ZNF778: variants seen among roughly 807,000 people sequenced by gnomAD.
The protein encoded by ZNF778 is zinc finger protein 778.
ZNF778 carries 37 observed loss-of-function variants against 23.9 expected under a neutral mutation model. The ratio of observed to expected loss-of-function variants is 1.54; its 90% CI spans 1.19 to 2.03. ZNF778 has a LOEUF of 2.03. Ranked by LOEUF, ZNF778 falls within the 30% of genes most tolerant of loss-of-function variation. ZNF778 has a pLI of 0.00. For synonymous variants in ZNF778, 483 were observed against 343.9 expected (o/e 1.40, Z -4.48); for missense variants, 1,297 against 934.4 (o/e 1.39, Z -5.06).
intron 6 of ZNF778, 54 bp downstream of exon 6, chr16:89,225,685 A>G (rs2031417165): frequency 1.3e-6 from 2 of 1,494,658 alleles, no homozygotes; most frequent in South Asian, 1.2e-5. Context: ...AAGATTGGGA[A>G]TTCCACTATA....
At position 89,232,613 on chromosome 16, in the gene ZNF778, A is replaced by G; in HGVS notation, c.*4051A>G. On this transcript the variant is annotated 3_prime_UTR_variant, in exon 7 of 7. Coordinates refer to ENST00000433976, the MANE Select transcript of ZNF778 (RefSeq NM_001201407.2). ...CTGAGGGTTCCTCAGAGTAAGATAA[A>G]ATATTAAAGGACCAATTGTATTAAT... The G allele has an allele frequency of 1.7e-6, 2 of 1,193,464 alleles. No individual in the cohort carries two copies. Among genetic ancestry groups the G allele is most frequent in the Non-Finnish European group, 2.1e-6 (2 of 945,114 alleles). 73.9% of individuals were successfully genotyped at this position (1,193,464 alleles called of 1,614,324 possible). A position where few individuals can be genotyped will look rare whatever the true frequency, so the allele number is the denominator to read the frequency against.
At position 89,228,976 on chromosome 16, in the gene ZNF778, A is replaced by G; in HGVS notation, c.*414A>G. On this transcript the variant is annotated 3_prime_UTR_variant, in exon 7 of 7. Coordinates refer to ENST00000433976, the MANE Select transcript of ZNF778 (RefSeq NM_001201407.2). ...TTGACACTTGAAGTGTTGTGAATGT[A>G]TGGAAGATAGCAGTCGCTTCCCTGT... is the stretch of plus-strand genomic sequence containing the variant. 1.0e-6 allele frequency: 1 copy of G among 998,392 alleles called. No homozygotes were observed. Among genetic ancestry groups the G allele is most frequent in the South Asian group, 4.4e-5 (1 of 22,604 alleles). 61.8% of individuals were successfully genotyped at this position (998,392 alleles called of 1,614,324 possible).
At position 89,226,883 on chromosome 16, in the gene ZNF778, G is replaced by T. The variant is rs117690401; in HGVS notation, c.595G>T (p.Val199Leu). 0.01 allele frequency: 16,440 copies of T among 1,614,010 alleles called. 379 individuals are homozygous for T. Among genetic ancestry groups the T allele is most frequent in the South Asian group, 0.07 (6,391 of 91,082 alleles). The change falls in exon 7 of 7, where the codon GTG (valine) becomes TTG (leucine). Residue 199 changes from valine (V) to leucine (L), a missense_variant. Coordinates refer to ENST00000433976, the MANE Select transcript of ZNF778 (RefSeq NM_001201407.2). The part of the protein sequence containing the change: ...TLFKIGEQFS[V>L]LGQCGKAFSS... Reference sequence around the variant, plus strand: ...GTTCAAAATTGGAGAGCAGTTTTCCGTGTTGGGTCAGTGTGGAAAAGCCTT... The same window carrying T: ...GTTCAAAATTGGAGAGCAGTTTTCCTTGTTGGGTCAGTGTGGAAAAGCCTT...
In ZNF778 at chr16:89,227,583, T is replaced by G; in HGVS notation, c.1295T>G (p.Val432Gly). Reference protein sequence around the residue: ...TCSYCGKAFTVRCGLTRHVRT... With the variant: ...TCSYCGKAFTGRCGLTRHVRT... Reference sequence around the variant, plus strand: ...AGCTACTGTGGGAAGGCCTTCACTGTGCGCTGTGGCCTTACTAGACACGTA... The same window carrying G: ...AGCTACTGTGGGAAGGCCTTCACTGGGCGCTGTGGCCTTACTAGACACGTA... Residue 432 changes from valine to glycine, a missense_variant, in exon 7 of 7, where the codon GTG (valine) becomes GGG (glycine). Coordinates refer to ENST00000433976, the MANE Select transcript of ZNF778 (RefSeq NM_001201407.2). 2 of 1,614,160 alleles carry G rather than the reference T, an allele frequency of 1.2e-6. No individual in the cohort carries two copies. Among genetic ancestry groups the G allele is most frequent in the Non-Finnish European group, 1.7e-6 (2 of 1,180,014 alleles).
rs1344991192 is a variant in ZNF778, at chr16:89,221,119, C to T, written c.-9C>T. ...AGGAGCATTCAGACGCTTCCGTCAG[C>T]CTCCCAGGATGGCAGCCCCTGACCT... is the stretch of plus-strand genomic sequence containing the variant. On this transcript the variant is annotated 5_prime_UTR_variant, in exon 2 of 7. Coordinates refer to ENST00000433976, the MANE Select transcript of ZNF778 (RefSeq NM_001201407.2). 8.3e-6 allele frequency: 13 copies of T among 1,567,636 alleles called. No individual in the cohort carries two copies. The highest frequency in any genetic ancestry group is 2.4e-5 in the East Asian group (1 of 42,250).
At position 89,223,385 on chromosome 16, in the gene ZNF778, GT is replaced by G; in HGVS notation, c.244+103del. On this transcript the variant is annotated intron_variant, in intron 4 of 6. Transcript: ENST00000433976. ...ACGGCAAAGCCGAGTACCACGGGAAGTAAGAGATATAACAACTGTGCTAGTA... is the reference window on the plus strand; with the variant it reads ...ACGGCAAAGCCGAGTACCACGGGAAGAAGAGATATAACAACTGTGCTAGTA... The G allele has an allele frequency of 2.0e-6, 3 of 1,514,306 alleles. No homozygotes were observed. In the South Asian group the frequency reaches 3.5e-5, roughly 18 times the overall value. 93.8% of individuals were successfully genotyped at this position (1,514,306 alleles called of 1,614,324 possible).
rs1417642744 is a variant in ZNF778, at chr16:89,229,654, AG to A, written c.*1094del. The A allele has an allele frequency of 4.1e-6, 4 of 967,310 alleles. No individual in the cohort carries two copies. The highest frequency in any genetic ancestry group is 4.8e-6 in the Non-Finnish European group (4 of 825,498). 59.9% of individuals were successfully genotyped at this position (967,310 alleles called of 1,614,324 possible). A position where few individuals can be genotyped will look rare whatever the true frequency, so the allele number is the denominator to read the frequency against. On this transcript the variant is annotated 3_prime_UTR_variant, in exon 7 of 7. Coordinates refer to ENST00000433976, the MANE Select transcript of ZNF778 (RefSeq NM_001201407.2). ...CGTAGGCTCTGCTTGGTTAGTCTTGAGGATCCAGATGTGATCCTGCGTGAGC... is the reference window on the plus strand; with the variant it reads ...CGTAGGCTCTGCTTGGTTAGTCTTGAGATCCAGATGTGATCCTGCGTGAGC...
chr16:89,222,282 G>A (rs1469438969), intron 3 of ZNF778, 99 bp downstream of exon 3: 2 of 856,028 alleles, frequency 2.3e-6, no homozygotes, highest in Non-Finnish European at 3.4e-6. Context: ...CCTCACTCAA[G>A]GACCGAGTCC....
At chr16:89,220,719 A>G (rs2030849524) in intron 1 of ZNF778, among the ~76,000 whole-genome samples, 1 of 152,164 alleles carries the variant, frequency 6.6e-6, no homozygotes, top group African/African-American at 2.4e-5. Context: ...CTGGTTCACC[A>G]CTTCCTAAGT....
rs117378505 is a variant in ZNF778 at position 89,228,018 on chromosome 16, A to G, written c.1730A>G (p.Asn577Ser). The change falls in exon 7 of 7, where the codon AAT becomes AGT. Residue 577 changes from asparagine to serine, a missense_variant. Coordinates refer to ENST00000433976, the MANE Select transcript of ZNF778 (RefSeq NM_001201407.2). ...RKSFRNSSCLNKHIQIHTGIK... is the reference protein window; with the variant it reads ...RKSFRNSSCLSKHIQIHTGIK... ...TCCTTCAGAAATTCCTCGTGCCTGA[A>G]TAAGCACATTCAGATTCACACTGGA... 1.9e-6 allele frequency: 3 copies of G among 1,589,308 alleles called. No individual in the cohort carries two copies. Among genetic ancestry groups the G allele is most frequent in the Admixed American group, 3.5e-5 (2 of 57,900 alleles).
chr16:89,229,608 C>T lies in ZNF778; in HGVS notation c.*1046C>T. On this transcript the variant is annotated 3_prime_UTR_variant, in exon 7 of 7. Transcript: ENST00000433976. ...CTCTGGTTGGTTAGTCTTGAGGATCCAGATGTGATTCTGTGAGCAGCGTAG... is the reference window on the plus strand; with the variant it reads ...CTCTGGTTGGTTAGTCTTGAGGATCTAGATGTGATTCTGTGAGCAGCGTAG... The T allele has an allele frequency of 2.0e-6, 2 of 983,046 alleles. No homozygotes were observed. Among genetic ancestry groups the T allele is most frequent in the Non-Finnish European group, 2.4e-6 (2 of 829,718 alleles). 60.9% of individuals were successfully genotyped at this position (983,046 alleles called of 1,614,324 possible).
At chr16:89,222,313 A>G in intron 3 of ZNF778, 130 bp downstream of exon 3, 1 of 527,348 alleles carries the variant, frequency 1.9e-6, no homozygotes, top group Non-Finnish European at 3.2e-6. Flanking sequence ...GCCTCCAGGG[A>G]GAAGAGCCTG....
At position 89,230,210 on chromosome 16, in the gene ZNF778, C is replaced by A; in HGVS notation, c.*1648C>A. 1 of 344,400 alleles carries A rather than the reference C, an allele frequency of 2.9e-6. No homozygotes were observed. The highest frequency in any genetic ancestry group is 4.1e-6 in the Non-Finnish European group (1 of 244,180). The allele number at this position is 344,400 out of a possible 1,614,324, so 21.3% of individuals were successfully genotyped here. ...TCCCTTCAGATAAAACACCAGGGTG[C>A]AAGGAGGGGCAGAGTGGAGAGGGGC... On this transcript the variant is annotated 3_prime_UTR_variant, in exon 7 of 7. Transcript: ENST00000433976.
chr16:89,224,833 C>G lies in ZNF778; in HGVS notation c.328+31C>G, dbSNP rs1271113001. ...TGTGAAGAGCACGCCTGGTCGATGT[C>G]AAGTTTAGCAGCTGTGGGAGGATCC... On this transcript the variant is annotated intron_variant, in intron 5 of 6. Transcript: ENST00000433976. The G allele has an allele frequency of 6.3e-6, 9 of 1,433,132 alleles. No individual in the cohort carries two copies. The African/African-American group carries it at 8.5e-5, about 13-fold the overall frequency. The allele number at this position is 1,433,132 out of a possible 1,614,324, so 88.8% of individuals were successfully genotyped here. A position where few individuals can be genotyped will look rare whatever the true frequency, so the allele number is the denominator to read the frequency against.
intron 6 of ZNF778, among the ~76,000 whole-genome samples, chr16:89,225,943 C>T (rs539749334): frequency 6.7e-6 from 1 of 148,242 alleles, no homozygotes. Context: ...GATGAAGTCT[C>T]ACTCCATCAC....
chr16:89,227,731 T>A lies in ZNF778; in HGVS notation c.1443T>A (p.Asp481Glu), dbSNP rs761199398. ...HTGEKPYECK[D>E]CGKSFTVSSS... ...GAGAGAAACCATATGAATGTAAAGA[T>A]TGTGGGAAATCCTTCACTGTTTCTT... Residue 481 changes from aspartate (D) to glutamate (E), a missense_variant, in exon 7 of 7, where the codon GAT (aspartate) becomes GAA (glutamate). Coordinates refer to ENST00000433976, the MANE Select transcript of ZNF778 (RefSeq NM_001201407.2). The A allele has an allele frequency of 1.9e-6, 3 of 1,613,220 alleles. No homozygotes were observed. The African/African-American group carries it at 4.0e-5, about 22-fold the overall frequency.
At chr16:89,223,691 C>T (rs1251501631) in intron 4 of ZNF778, among the ~76,000 whole-genome samples, 3 of 152,140 alleles carry the variant, frequency 2.0e-5, no homozygotes, top group Non-Finnish European at 2.9e-5. Flanking sequence ...GTGGTTTTTA[C>T]GTGTATATTT....
Position 89,227,987 on chromosome 16 carries a change from A to G in ZNF778, c.1699A>G (p.Arg567Gly), listed in dbSNP as rs1426664314. Residue 567 changes from arginine to glycine, a missense_variant, in exon 7 of 7, where the codon AGG (arginine) becomes GGG (glycine). Transcript: ENST00000433976. ...EEKPFICTVC[R>G]KSFRNSSCLN... Reference sequence around the variant, plus strand: ...GAAGCCCTTTATATGTACGGTATGCAGGAAATCCTTCAGAAATTCCTCGTG... The same window carrying G: ...GAAGCCCTTTATATGTACGGTATGCGGGAAATCCTTCAGAAATTCCTCGTG... 2 of 1,589,702 alleles carry G rather than the reference A, an allele frequency of 1.3e-6. No individual in the cohort carries two copies.
At position 89,233,995 on chromosome 16, in the gene ZNF778, T is replaced by C. The variant is rs1459478770; in HGVS notation, c.*5433T>C. ...CAGCCCCAGACTTCATCCTGCCCTG[T>C]CCTGCCTTTCCTGTGAAAACCCTGT... On this transcript the variant is annotated 3_prime_UTR_variant, in exon 7 of 7. Coordinates refer to ENST00000433976, the MANE Select transcript of ZNF778 (RefSeq NM_001201407.2). 2.5e-6 allele frequency: 3 copies of C among 1,199,948 alleles called. No individual in the cohort carries two copies. In the African/African-American group the frequency reaches 4.7e-5, roughly 19 times the overall value. 74.3% of individuals were successfully genotyped at this position (1,199,948 alleles called of 1,614,324 possible). A position where few individuals can be genotyped will look rare whatever the true frequency, so the allele number is the denominator to read the frequency against.
Sources: allele counts gnomAD v4.1 joint callset (sites outside exome capture counted in the v4.1 genomes callset), GRCh38; gene constraint gnomAD v4.1.1; transcripts MANE v1.5; gene names NCBI Gene and HGNC (gene_info 2026-07-23, HGNC 2026-07-21).